The following PIK3C2G variants were observed in gnomAD, a reference collection of about 807,000 sequenced individuals.
PIK3C2G encodes the protein phosphatidylinositol 3-kinase C2 domain-containing subunit gamma.
A neutral mutation model predicts 181.1 loss-of-function variants in PIK3C2G; 168 were observed. The ratio of observed to expected loss-of-function variants is 0.93; its 90% CI spans 0.82 to 1.05. The LOEUF is 1.05. Among genes scored for constraint, PIK3C2G ranks in the 50% least tolerant of loss-of-function variants. PIK3C2G has a pLI of 0.00. For synonymous variants in PIK3C2G, 573 were observed against 592.2 expected, an observed-to-expected ratio of 0.97 and a Z score of 0.47; for missense variants, 1,869 against 1,732.8, an observed-to-expected ratio of 1.08 and a Z score of -1.40.
At chr12:18,624,394 G>A (rs1181664735) in intron 31 of PIK3C2G, among the ~76,000 whole-genome samples, 14 of 151,632 alleles carry the variant, frequency 9.2e-5, no homozygotes, top group African/African-American at 2.2e-4. Flanking sequence ...CTTGTTCGTC[G>A]TCAATGATCC....
At chr12:18,484,292 A>G (rs562834153) in intron 18 of PIK3C2G, among the ~76,000 whole-genome samples, 46 of 152,350 alleles carry the variant, frequency 3.0e-4, no homozygotes, top group Admixed American at 5.2e-4. Context: ...TCATGAATAT[A>G]TAACATTCCA....
At chr12:18,563,353 T>C (rs1945447441) in intron 27 of PIK3C2G, 24 bp from the exon 28 acceptor site, 5 of 1,588,820 alleles carry the variant, frequency 3.1e-6, no homozygotes, top group African/African-American at 1.3e-5. Context: ...CATCTTTTGA[T>C]TTCTATCTAT....
At chr12:18,672,578 T>C in the PIK3C2G span, among the ~76,000 whole-genome samples, 1 of 152,170 alleles carries the variant, frequency 6.6e-6, no homozygotes, top group Non-Finnish European at 1.5e-5. Flanking sequence ...CTCATCACAT[T>C]TGAATGAATA....
At chr12:18,685,205 C>T in the PIK3C2G span, among the ~76,000 whole-genome samples, 4 of 151,996 alleles carry the variant, frequency 2.6e-5, no homozygotes, top group African/African-American at 9.7e-5. Context: ...AGACTAAGTG[C>T]TCCTTTCAAA....
the PIK3C2G span, among the ~76,000 whole-genome samples, chr12:18,655,892 G>A: frequency 3.3e-5 from 5 of 152,180 alleles, no homozygotes; most frequent in South Asian, 2.1e-4. Flanking sequence ...AGCTTCAGGA[G>A]ACATGACTAC....
intron 29 of PIK3C2G, among the ~76,000 whole-genome samples, chr12:18,585,762 A>G (rs912607597): frequency 1.3e-5 from 2 of 152,234 alleles, no homozygotes; most frequent in Non-Finnish European, 2.9e-5. Context: ...TTATTGCCAC[A>G]TGGCACATAC....
At chr12:18,278,737 T>A (rs1044669210) in intron 1 of PIK3C2G, among the ~76,000 whole-genome samples, 2 of 152,128 alleles carry the variant, frequency 1.3e-5, no homozygotes, top group African/African-American at 4.8e-5. Context: ...TACTTCATAA[T>A]GCAAAATGCA....
the PIK3C2G span, among the ~76,000 whole-genome samples, chr12:18,675,037 A>C: frequency 6.6e-6 from 1 of 152,186 alleles, no homozygotes; most frequent in African/African-American, 2.4e-5. Context: ...ATAGTCTGTA[A>C]CTACCTTATT....
chr12:18,675,481 A>G, the PIK3C2G span, among the ~76,000 whole-genome samples: 1 of 152,216 alleles, frequency 6.6e-6, no homozygotes, highest in Non-Finnish European at 1.5e-5. Context: ...CAGAACTAAA[A>G]GCAGAACAAC....
At chr12:18,570,866 C>T (rs980909202) in intron 29 of PIK3C2G, among the ~76,000 whole-genome samples, 2 of 150,518 alleles carry the variant, frequency 1.3e-5, no homozygotes, top group East Asian at 1.9e-4. Flanking sequence ...GGCAGAGAAC[C>T]GAAAACTGTC....
intron 18 of PIK3C2G, among the ~76,000 whole-genome samples, chr12:18,456,341 G>C (rs1347369247): frequency 2.6e-5 from 4 of 151,644 alleles, no homozygotes; most frequent in Non-Finnish European, 5.9e-5. Context: ...CTCTTTCCTG[G>C]AGTTTAAGAG....
At chr12:18,415,555 G>A (rs561230177) in intron 16 of PIK3C2G, among the ~76,000 whole-genome samples, 40 of 152,254 alleles carry the variant, frequency 2.6e-4, no homozygotes, top group African/African-American at 9.1e-4. Flanking sequence ...CCTCTAAGTA[G>A]TCACGTGAAA....
At chr12:18,379,848 G>A (rs1401369534) in intron 13 of PIK3C2G, among the ~76,000 whole-genome samples, 2 of 152,094 alleles carry the variant, frequency 1.3e-5, no homozygotes, top group African/African-American at 2.4e-5. Flanking sequence ...ACATGCCCTT[G>A]TTACAGAAGC....
chr12:18,625,942 T>C (rs1015186327), intron 31 of PIK3C2G, among the ~76,000 whole-genome samples: 1 of 151,962 alleles, frequency 6.6e-6, no homozygotes, highest in African/African-American at 2.4e-5. Context: ...AGACAGCATA[T>C]AGTTAGATCC....
the PIK3C2G span, among the ~76,000 whole-genome samples, chr12:18,721,237 A>C: frequency 6.6e-6 from 1 of 152,136 alleles, no homozygotes; most frequent in African/African-American, 2.4e-5. Context: ...GTTTGAAATA[A>C]GGATTAATCA....
At position 18,282,530 on chromosome 12, in the gene PIK3C2G, G is replaced by T; in HGVS notation, c.449G>T (p.Ser150Ile). 3.1e-6 allele frequency: 5 copies of T among 1,611,572 alleles called. No individual in the cohort carries two copies. Among genetic ancestry groups the T allele is most frequent in the Non-Finnish European group, 4.2e-6 (5 of 1,178,238 alleles). ...AGTATTTTAGCTCCATCATTCACAA[G>T]TTTGGATAAAATTAATCTAGAGAAA... ...RFSILAPSFTSLDKINLEKEL... is the reference protein window; with the variant it reads ...RFSILAPSFTILDKINLEKEL... Residue 150 changes from serine (S) to isoleucine (I), a missense_variant, in exon 2 of 33, where the codon AGT becomes ATT. Transcript: ENST00000538779.
intron 13 of PIK3C2G, among the ~76,000 whole-genome samples, chr12:18,381,378 T>C (rs781740484): frequency 1.3e-5 from 2 of 152,058 alleles, no homozygotes; most frequent in Admixed American, 6.6e-5. Flanking sequence ...TGGAGCAAAA[T>C]ATGTTCTGAA....
At chr12:18,465,189 T>C (rs772062844) in intron 18 of PIK3C2G, among the ~76,000 whole-genome samples, 8 of 151,970 alleles carry the variant, frequency 5.3e-5, no homozygotes, top group Non-Finnish European at 8.8e-5. Context: ...GAAGTTCTTA[T>C]TGGAACTACA....
the PIK3C2G span, chr12:18,705,344 T>A: frequency 4.3e-6 from 7 of 1,612,706 alleles, no homozygotes; most frequent in Non-Finnish European, 5.9e-6. Context: ...CTATGGTTAT[T>A]CATCAAAACT....
Sources: gnomAD v4.1 joint callset for allele counts (sites outside exome capture counted in the v4.1 genomes callset) on GRCh38, gnomAD v4.1.1 for gene constraint, MANE v1.5 for transcripts, NCBI Gene and HGNC (gene_info 2026-07-23, HGNC 2026-07-21) for gene names.